Variants in SH2B3 observed in about 807,000 individuals in gnomAD.
SH2B3 encodes the protein SH2B adapter protein 3.
SH2B3 carries 43 observed loss-of-function variants against 51.9 expected under a neutral mutation model. The ratio of observed to expected loss-of-function variants is 0.83; its 90% CI spans 0.65 to 1.07. The LOEUF (loss-of-function observed/expected upper bound fraction) is 1.07, where lower values mean the gene tolerates loss of function less well. Among genes scored for constraint, SH2B3 ranks in the 50% least tolerant of loss-of-function variants. The pLI is 0.00. For synonymous variants in SH2B3, 396 were observed against 376.0 expected (o/e 1.05, Z -0.62); for missense variants, 952 against 834.3 (o/e 1.14, Z -1.74).
At chr12:111,442,389 A>G (rs1873502596) in intron 2 of SH2B3, among the ~76,000 whole-genome samples, 2 of 152,244 alleles carry the variant, frequency 1.3e-5, no homozygotes, top group African/African-American at 4.8e-5. Context: ...CCAGGCTGCC[A>G]GATGCCTCCT....
At position 111,448,679 on chromosome 12, in the gene SH2B3, T is replaced by G; in HGVS notation, c.*377T>G. On this transcript the variant is annotated 3_prime_UTR_variant, in exon 8 of 8. Transcript: ENST00000341259. Reference sequence around the variant, plus strand: ...CTGTCACAGCGGATGACAGACTTTCTACGGGGAGGAGGGGGGGATCATCAG... The same window carrying G: ...CTGTCACAGCGGATGACAGACTTTCGACGGGGAGGAGGGGGGGATCATCAG... 1 of 211,550 alleles carries G rather than the reference T, an allele frequency of 4.7e-6. No homozygotes were observed. The allele number at this position is 211,550 out of a possible 1,614,324, so 13.1% of individuals were successfully genotyped here. A position where few individuals can be genotyped will look rare whatever the true frequency, so the allele number is the denominator to read the frequency against.
intron 6 of SH2B3, 40 bp downstream of exon 6, chr12:111,447,584 G>T (rs368996558): frequency 7.5e-6 from 12 of 1,605,862 alleles, no homozygotes; most frequent in Non-Finnish European, 1.0e-5. Context: ...AGGCAGGACC[G>T]TGCCACCCCT....
chr12:111,411,844 G>C (rs899475195), intron 1 of SH2B3, among the ~76,000 whole-genome samples: 7 of 152,206 alleles, frequency 4.6e-5, no homozygotes, highest in African/African-American at 1.7e-4. Flanking sequence ...TATTCCTTCT[G>C]CACATCATCC....
At position 111,418,800 on chromosome 12, in the gene SH2B3, C is replaced by T. The variant is rs1177556874; in HGVS notation, c.655C>T (p.Arg219Cys). Residue 219 changes from arginine to cysteine, a missense_variant, in exon 2 of 8, where the codon CGC (arginine) becomes TGC (cysteine). Arg to Cys is a radical substitution (Grantham distance 180). Coordinates refer to ENST00000341259, the MANE Select transcript of SH2B3 (RefSeq NM_005475.3). This position sits in a 1 kb window ranked among gnomAD's most constrained non-coding sequence, Gnocchi z 6.7. The part of the protein sequence containing the change: ...ASMDSGARWQ[R>C]GRLALRRAPG... Reference sequence around the variant, plus strand: ...CATGGACAGCGGGGCACGCTGGCAGCGCGGGAGGCTGGCGCTGCGCCGGGC... The same window carrying T: ...CATGGACAGCGGGGCACGCTGGCAGTGCGGGAGGCTGGCGCTGCGCCGGGC... The T allele has an allele frequency of 8.3e-6, 12 of 1,447,140 alleles. No individual in the cohort carries two copies. The highest frequency in any genetic ancestry group is 1.4e-5 in the South Asian group (1 of 72,868). 89.6% of individuals were successfully genotyped at this position (1,447,140 alleles called of 1,614,324 possible).
chr12:111,418,435 C>A lies in SH2B3; in HGVS notation c.290C>A (p.Pro97Gln). The A allele has an allele frequency of 6.9e-7, 1 of 1,447,234 alleles. No individual in the cohort carries two copies. The highest frequency in any genetic ancestry group is 1.3e-5 in the South Asian group (1 of 76,044). 89.6% of individuals were successfully genotyped at this position (1,447,234 alleles called of 1,614,324 possible). The change falls in exon 2 of 8, where the codon CCA becomes CAA. Residue 97 changes from proline (P) to glutamine (Q), a missense_variant. Pro to Gln is a moderately conservative substitution (Grantham distance 76). Transcript: ENST00000341259. The surrounding 1 kb of genome is among the most constrained non-coding windows in gnomAD (Gnocchi z 6.7). ...RDYRDTGRGP[P>Q]AKAEASPEPG... ...TACCGGGACACAGGCCGTGGGCCCC[C>A]AGCCAAGGCCGAGGCGTCCCCGGAG...
At position 111,447,432 on chromosome 12, in the gene SH2B3, C is replaced by T; in HGVS notation, c.1124C>T (p.Ala375Val). The change falls in exon 6 of 8, where the codon GCT (alanine) becomes GTT (valine). Residue 375 changes from alanine to valine, a missense_variant. Coordinates refer to ENST00000341259, the MANE Select transcript of SH2B3 (RefSeq NM_005475.3). The stretch of plus-strand genomic sequence containing the variant: ...GGCCCCATCTCCAGAGTGAAAGCAG[C>T]TCAGCTGGTTCAGCTGCAGGGCCCT... ...FHGPISRVKA[A>V]QLVQLQGPDA... The T allele has an allele frequency of 6.2e-7, 1 of 1,613,910 alleles. No homozygotes were observed. Among genetic ancestry groups the T allele is most frequent in the Non-Finnish European group, 8.5e-7 (1 of 1,179,868 alleles).
rs542086464 is a variant in SH2B3, at chr12:111,407,535, G to C, written c.-28+1258G>C. ...GTGGAAACAGCTCTGGAGGCTCCTCGGGACCTGCCCTCGTGGAGGGAGAGC... is the reference window on the plus strand; with the variant it reads ...GTGGAAACAGCTCTGGAGGCTCCTCCGGACCTGCCCTCGTGGAGGGAGAGC... On this transcript the variant is annotated intron_variant, in intron 1 of 7. Coordinates refer to ENST00000341259, the MANE Select transcript of SH2B3 (RefSeq NM_005475.3). The surrounding 1 kb of genome is among the most constrained non-coding windows in gnomAD (Gnocchi z 4.3). Among the ~76,000 whole-genome samples the C allele has an allele frequency of 6.6e-6, 1 of 152,240 alleles. No homozygotes were observed. Among genetic ancestry groups the C allele is most frequent in the Non-Finnish European group, 1.5e-5 (1 of 68,046 alleles).
chr12:111,425,556 A>G (rs1364616182), intron 2 of SH2B3, among the ~76,000 whole-genome samples: 1 of 152,166 alleles, frequency 6.6e-6, no homozygotes, highest in Non-Finnish European at 1.5e-5. Flanking sequence ...GGAACAGGGA[A>G]AGGTGAGACT....
intron 5 of SH2B3, 49 bp from the exon 6 acceptor site, chr12:111,447,281 G>C (rs149957056): frequency 6.3e-7 from 1 of 1,590,822 alleles, no homozygotes; most frequent in African/African-American, 1.3e-5. Context: ...ACTCAGCCCA[G>C]GACATAAGGT....
chr12:111,440,211 G>T (rs918154669), intron 2 of SH2B3, among the ~76,000 whole-genome samples: 1 of 152,240 alleles, frequency 6.6e-6, no homozygotes, highest in South Asian at 2.1e-4. Flanking sequence ...CCCCTTGGAG[G>T]TCTCTTGAGC....
intron 2 of SH2B3, among the ~76,000 whole-genome samples, chr12:111,437,544 C>T (rs1272643966): frequency 2.6e-5 from 4 of 152,142 alleles, no homozygotes; most frequent in Non-Finnish European, 5.9e-5. Flanking sequence ...GAGTGGGTTC[C>T]ATTATCATCC....
rs1305671870 is a variant in SH2B3, at chr12:111,449,168, T to C, written c.*866T>C. The C allele has an allele frequency of 6.6e-6, 1 of 152,664 alleles. No individual in the cohort carries two copies. The highest frequency in any genetic ancestry group is 1.5e-5 in the Non-Finnish European group (1 of 68,042). The allele number at this position is 152,664 out of a possible 1,614,324, so 9.5% of individuals were successfully genotyped here. A position where few individuals can be genotyped will look rare whatever the true frequency, so the allele number is the denominator to read the frequency against. ...GAGGGTGGCAAGAACAGTTCTATCC[T>C]GGTGCCTTACGAATAAAAAACTGGA... On this transcript the variant is annotated 3_prime_UTR_variant, in exon 8 of 8. Coordinates refer to ENST00000341259, the MANE Select transcript of SH2B3 (RefSeq NM_005475.3).
rs1222055786 is a variant in SH2B3, at chr12:111,429,881, C to A, written c.732+11004C>A. On this transcript the variant is annotated intron_variant, in intron 2 of 7. Coordinates refer to ENST00000341259, the MANE Select transcript of SH2B3 (RefSeq NM_005475.3). The surrounding 1 kb of genome is among the most constrained non-coding windows in gnomAD (Gnocchi z 4.4). ...GGGGCAGGGGGTTTGTGTTTAGGCC[C>A]CAGAACAGGCAGAGAGAAAGCACCC... Among the ~76,000 whole-genome samples the A allele has an allele frequency of 6.6e-6, 1 of 152,126 alleles. No individual in the cohort carries two copies. Among genetic ancestry groups the A allele is most frequent in the Non-Finnish European group, 1.5e-5 (1 of 68,024 alleles).
Position 111,407,631 on chromosome 12 carries a change from G to T in SH2B3, c.-28+1354G>T, listed in dbSNP as rs1236892168. 1.3e-5 allele frequency among the ~76,000 whole-genome samples: 2 copies of T among 152,236 alleles called. No homozygotes were observed. The highest frequency in any genetic ancestry group is 1.9e-4 in the East Asian group (1 of 5,204). Reference sequence around the variant, plus strand: ...GGGCCTACTGGGGGAAGTTGGAAGGGTTTTTAGTGCACTTTTCCTGAGCCT... The same window carrying T: ...GGGCCTACTGGGGGAAGTTGGAAGGTTTTTTAGTGCACTTTTCCTGAGCCT... On this transcript the variant is annotated intron_variant, in intron 1 of 7. Transcript: ENST00000341259. The surrounding 1 kb of genome is among the most constrained non-coding windows in gnomAD (Gnocchi z 4.3).
At chr12:111,425,048 C>T (rs1404353481) in intron 2 of SH2B3, among the ~76,000 whole-genome samples, 1 of 151,978 alleles carries the variant, frequency 6.6e-6, no homozygotes, top group Non-Finnish European at 1.5e-5. Flanking sequence ...AGGCAGCTGC[C>T]CAGAAGTCTG....
At chr12:111,431,666 C>T (rs1872504753) in intron 2 of SH2B3, among the ~76,000 whole-genome samples, 1 of 152,180 alleles carries the variant, frequency 6.6e-6, no homozygotes, top group Admixed American at 6.5e-5. Flanking sequence ...ATTGCATCCT[C>T]AACCTCCTGG....
upstream of SH2B3, among the ~76,000 whole-genome samples, chr12:111,405,085 C>T (rs1407401660): frequency 3.3e-5 from 5 of 152,202 alleles, no homozygotes; most frequent in Non-Finnish European, 7.4e-5. This position sits in a 1 kb window ranked among gnomAD's most constrained non-coding sequence, Gnocchi z 5.4. Flanking sequence ...GGGGGAACCC[C>T]ACTGTCCGTC....
In SH2B3 at chr12:111,405,935, G is replaced by C. The variant is rs1870203139; in HGVS notation, c.-370G>C. Reference sequence around the variant, plus strand: ...CCGGTTCCTCTTTACATAACGGCGCGGGGCGGCATGGGCCCGGGCCACCGC... The same window carrying C: ...CCGGTTCCTCTTTACATAACGGCGCCGGGCGGCATGGGCCCGGGCCACCGC... On this transcript the variant is annotated 5_prime_UTR_variant, in exon 1 of 8. Transcript: ENST00000341259. This position sits in a 1 kb window ranked among gnomAD's most constrained non-coding sequence, Gnocchi z 5.4. 6.6e-6 allele frequency: 1 copy of C among 151,752 alleles called. No homozygotes were observed. Among genetic ancestry groups the C allele is most frequent in the Non-Finnish European group, 1.5e-5 (1 of 67,906 alleles). 9.4% of individuals were successfully genotyped at this position (151,752 alleles called of 1,614,324 possible).
rs1870518483 is a variant in SH2B3, at chr12:111,409,548, A to C, written c.-28+3271A>C. 6.6e-6 allele frequency among the ~76,000 whole-genome samples: 1 copy of C among 152,152 alleles called. No individual in the cohort carries two copies. The highest frequency in any genetic ancestry group is 2.4e-5 in the African/African-American group (1 of 41,444). Reference sequence around the variant, plus strand: ...AGCTGCTCATTCCCTGCAAGGCCCCATTCCTCACTACCCACCCTTCCCAAG... The same window carrying C: ...AGCTGCTCATTCCCTGCAAGGCCCCCTTCCTCACTACCCACCCTTCCCAAG... On this transcript the variant is annotated intron_variant, in intron 1 of 7. Transcript: ENST00000341259. The surrounding 1 kb of genome is among the most constrained non-coding windows in gnomAD (Gnocchi z 4.0).
Sources: gnomAD v4.1 joint callset for allele counts (sites outside exome capture counted in the v4.1 genomes callset) on GRCh38, gnomAD v4.1.1 for gene constraint, Gnocchi (gnomAD v3.1) non-coding constraint, MANE v1.5 for transcripts, NCBI Gene and HGNC (gene_info 2026-07-23, HGNC 2026-07-21) for gene names.